Variants in HEATR3 observed in about 807,000 individuals in gnomAD.
HEATR3 encodes HEAT repeat containing 3.
In HEATR3, 56 loss-of-function variants were observed where a neutral mutation model predicts 72.8. The observed-to-expected ratio is 0.77, with a 90% confidence interval of 0.62 to 0.96. The LOEUF is 0.96. Ranked by LOEUF, HEATR3 falls within the 40% of genes least tolerant of loss-of-function variation. HEATR3 has a pLI of 0.00. For missense variants in HEATR3, 747 were observed against 831.4 expected (o/e 0.90, Z 1.25); for synonymous variants, 331 against 318.1 (o/e 1.04, Z -0.43).
intron 7 of HEATR3, chr16:50,079,974 A>C (rs1386486446): frequency 6.6e-6 from 1 of 152,418 alleles, no homozygotes; most frequent in African/African-American, 2.4e-5. Flanking sequence ...TGCCAGAGAG[A>C]GCCGTTTAGA....
chr16:50,073,981 C>G (rs552870616), intron 5 of HEATR3: 1 of 152,104 alleles, frequency 6.6e-6, no homozygotes, highest in African/African-American at 2.4e-5. Context: ...TTTTTTGAAC[C>G]TGTATGGTAG....
Position 50,105,090 on chromosome 16 carries a change from C to T in HEATR3, c.*29C>T. 6.2e-7 allele frequency: 1 copy of T among 1,602,586 alleles called. No individual in the cohort carries two copies. The highest frequency in any genetic ancestry group is 2.2e-5 in the East Asian group (1 of 44,712). The stretch of plus-strand genomic sequence containing the variant: ...ATCCAAAAAAGAAACCAGTTCTTCC[C>T]CCAAAGTATTCAATGCTTAGAATAC... On this transcript the variant is annotated 3_prime_UTR_variant, in exon 15 of 15. Coordinates refer to ENST00000299192, the MANE Select transcript of HEATR3 (RefSeq NM_182922.4).
At chr16:50,077,050 T>G (rs1333457090) in intron 6 of HEATR3, among the ~76,000 whole-genome samples, 5 of 151,974 alleles carry the variant, frequency 3.3e-5, no homozygotes. Context: ...TGTATTTTTT[T>G]TTTTTAGTAA....
At position 50,105,278 on chromosome 16, in the gene HEATR3, G is replaced by T. The variant is rs2037459568; in HGVS notation, c.*217G>T. 2.3e-6 allele frequency: 1 copy of T among 434,234 alleles called. No homozygotes were observed. The highest frequency in any genetic ancestry group is 4.1e-5 in the Admixed American group (1 of 24,396). 26.9% of individuals were successfully genotyped at this position (434,234 alleles called of 1,614,324 possible). A position where few individuals can be genotyped will look rare whatever the true frequency, so the allele number is the denominator to read the frequency against. ...GCGGGTGGATCACTTGAGGTCAGGA[G>T]TTTGAGGCCAGCCTGGCCAACATGG... On this transcript the variant is annotated 3_prime_UTR_variant, in exon 15 of 15. Coordinates refer to ENST00000299192, the MANE Select transcript of HEATR3 (RefSeq NM_182922.4).
At chr16:50,091,432 A>G (rs2037107913) in intron 11 of HEATR3, among the ~76,000 whole-genome samples, 1 of 151,994 alleles carries the variant, frequency 6.6e-6, no homozygotes, top group African/African-American at 2.4e-5. Flanking sequence ...TTGCCACTGC[A>G]CTCCAGCCTG....
chr16:50,089,962 T>C (rs1477445667), intron 11 of HEATR3, among the ~76,000 whole-genome samples: 2 of 152,034 alleles, frequency 1.3e-5, no homozygotes, highest in South Asian at 2.1e-4. Context: ...ACCGTGCCCG[T>C]CCTAGAGATG....
intron 6 of HEATR3, among the ~76,000 whole-genome samples, chr16:50,077,113 A>G (rs1183241851): frequency 1.4e-4 from 21 of 151,586 alleles, no homozygotes; most frequent in Admixed American, 1.4e-3. Context: ...TGACCTTGTG[A>G]TCCGCCCGCC....
At chr16:50,085,284 CTA>C (rs1172699740) in intron 10 of HEATR3, among the ~76,000 whole-genome samples, 1 of 152,054 alleles carries the variant, frequency 6.6e-6, no homozygotes, top group Non-Finnish European at 1.5e-5. Flanking sequence ...GTTAAACTCT[CTA>C]TGTATGTTGT....
In HEATR3 at chr16:50,070,133, ATTC is replaced by A. The variant is rs533633324; in HGVS notation, c.400-39_400-37del. 6.3e-5 allele frequency: 61 copies of A among 966,128 alleles called. 1 individual carries two copies. The South Asian group carries it at 6.9e-4, about 11-fold the overall frequency. The allele number at this position is 966,128 out of a possible 1,614,324, so 59.8% of individuals were successfully genotyped here. On this transcript the variant is annotated intron_variant, in intron 3 of 14. Transcript: ENST00000299192. The stretch of plus-strand genomic sequence containing the variant: ...TCACCATCATTACCCTATTTGTTTA[ATTC>A]TTCTTAGGAACCAGGGTGCTAATCA...
At chr16:50,078,021 C>T (rs551698225) in intron 6 of HEATR3, among the ~76,000 whole-genome samples, 3 of 151,622 alleles carry the variant, frequency 2.0e-5, no homozygotes, top group East Asian at 3.9e-4. Flanking sequence ...GGATTACAAG[C>T]GCCCACCACC....
chr16:50,070,426 A>AT (rs1351148119), intron 4 of HEATR3, 136 bp downstream of exon 4: 1 of 380,702 alleles, frequency 2.6e-6, no homozygotes, highest in Non-Finnish European at 4.8e-6. Context: ...GGGGCCGGAC[A>AT]TGGTGGCTCA....
At chr16:50,099,408 C>T (rs2037317807) in intron 12 of HEATR3, among the ~76,000 whole-genome samples, 1 of 152,120 alleles carries the variant, frequency 6.6e-6, no homozygotes, top group African/African-American at 2.4e-5. Context: ...AGTTCAAGAA[C>T]AGCCTGGGCA....
In HEATR3 at chr16:50,092,599, G is replaced by A. The variant is rs1171498542; in HGVS notation, c.1511-2106G>A. Among the ~76,000 whole-genome samples, 3 of 151,434 alleles carry A rather than the reference G, an allele frequency of 2.0e-5. No individual in the cohort carries two copies. The East Asian group carries it at 5.9e-4, about 30-fold the overall frequency. On this transcript the variant is annotated intron_variant, in intron 11 of 14. Transcript: ENST00000299192. ...CTACAGGCGCCCGCCACCACGCCTGGCTAATTTTTTTTTTTGCATTTTTAG... is the reference window on the plus strand; with the variant it reads ...CTACAGGCGCCCGCCACCACGCCTGACTAATTTTTTTTTTTGCATTTTTAG...
At position 50,078,728 on chromosome 16, in the gene HEATR3, GT is replaced by G. The variant is rs1385072346; in HGVS notation, c.764-6del. 6 of 1,601,796 alleles carry G rather than the reference GT, an allele frequency of 3.7e-6. No homozygotes were observed. Among genetic ancestry groups the G allele is most frequent in the Non-Finnish European group, 2.6e-6 (3 of 1,174,784 alleles). On this transcript the variant is annotated splice_polypyrimidine_tract_variant and intron_variant, in intron 6 of 14. Coordinates refer to ENST00000299192, the MANE Select transcript of HEATR3 (RefSeq NM_182922.4). ...ACAGGCATTTCTTATCCTTATGCTT[GT>G]TTTTTTCCCAGGCACAATTTGGAAT...
At chr16:50,093,193 C>T (rs989501980) in intron 11 of HEATR3, among the ~76,000 whole-genome samples, 3 of 152,162 alleles carry the variant, frequency 2.0e-5, no homozygotes, top group South Asian at 2.1e-4. Context: ...CTCTTCTACC[C>T]GGGTAACCTA....
rs539188927 is a variant in HEATR3, at chr16:50,106,488, T to A, written c.*1427T>A. The A allele has an allele frequency of 6.6e-6, 1 of 152,322 alleles. No individual in the cohort carries two copies. The highest frequency in any genetic ancestry group is 1.5e-5 in the Non-Finnish European group (1 of 68,042). The allele number at this position is 152,322 out of a possible 1,614,324, so 9.4% of individuals were successfully genotyped here. A position where few individuals can be genotyped will look rare whatever the true frequency, so the allele number is the denominator to read the frequency against. On this transcript the variant is annotated 3_prime_UTR_variant, in exon 15 of 15. Coordinates refer to ENST00000299192, the MANE Select transcript of HEATR3 (RefSeq NM_182922.4). The stretch of plus-strand genomic sequence containing the variant: ...TGGATATTTGTTTGCTAATGCATAT[T>A]GCTTGGAATATATGTGAGACATTAA...
In HEATR3 at chr16:50,084,158, A is replaced by G. The variant is rs753881589; in HGVS notation, c.1157A>G (p.Glu386Gly). The change falls in exon 9 of 15, where the codon GAG becomes GGG. Residue 386 changes from glutamate to glycine, a missense_variant. This residue lies in a region of HEATR3 where 586 missense variants were observed against 708.8 expected (regional missense o/e 0.83). Transcript: ENST00000299192. ...GATCCCTCTGATGACGAATGGGAAG[A>G]GCTTTCTAGCAGTGATGAAAGTGAC... ...NEDPSDDEWE[E>G]LSSSDESDAF... The G allele has an allele frequency of 1.5e-5, 24 of 1,614,052 alleles. No homozygotes were observed. The highest frequency in any genetic ancestry group is 1.8e-5 in the Non-Finnish European group (21 of 1,180,034).
chr16:50,084,164 C>G lies in HEATR3; in HGVS notation c.1163C>G (p.Ser388Cys), dbSNP rs147310393. ...DPSDDEWEEL[S>C]SSDESDAFME... ...TCTGATGACGAATGGGAAGAGCTTT[C>G]TAGCAGTGATGAAAGTGACGCATTT... Residue 388 changes from serine to cysteine, a missense_variant, in exon 9 of 15, where the codon TCT becomes TGT. Ser to Cys is a moderately radical substitution (Grantham distance 112). Coordinates refer to ENST00000299192, the MANE Select transcript of HEATR3 (RefSeq NM_182922.4). 1.7e-5 allele frequency: 27 copies of G among 1,613,992 alleles called. No individual in the cohort carries two copies. The East Asian group carries it at 5.8e-4, about 35-fold the overall frequency.
At position 50,072,589 on chromosome 16, in the gene HEATR3, TC is replaced by T; in HGVS notation, c.513-11del. ...AAATGTGAATAGTAAAACTTTTTTTTCCCCCTTCAATTTAGTGAATGCAGTA... is the reference window on the plus strand; with the variant it reads ...AAATGTGAATAGTAAAACTTTTTTTTCCCCTTCAATTTAGTGAATGCAGTA... On this transcript the variant is annotated splice_polypyrimidine_tract_variant and intron_variant, in intron 4 of 14. Coordinates refer to ENST00000299192, the MANE Select transcript of HEATR3 (RefSeq NM_182922.4). 1 of 1,519,290 alleles carries T rather than the reference TC, an allele frequency of 6.6e-7. No homozygotes were observed. The highest frequency in any genetic ancestry group is 9.1e-7 in the Non-Finnish European group (1 of 1,097,622). 94.1% of individuals were successfully genotyped at this position (1,519,290 alleles called of 1,614,324 possible). A position where few individuals can be genotyped will look rare whatever the true frequency, so the allele number is the denominator to read the frequency against.
Sources: allele counts gnomAD v4.1 joint callset (sites outside exome capture counted in the v4.1 genomes callset), GRCh38; gene constraint gnomAD v4.1.1; regional missense constraint gnomAD v4.1.1; transcripts MANE v1.5; gene names NCBI Gene and HGNC (gene_info 2026-07-23, HGNC 2026-07-21).